CTNND2: variants seen among roughly 807,000 people sequenced by gnomAD.
CTNND2 encodes catenin delta-2.
Under a neutral mutation model 144.4 loss-of-function variants are expected in CTNND2, and 22 were observed. The observed-to-expected ratio is 0.15, with a 90% confidence interval of 0.11 to 0.22. The LOEUF (loss-of-function observed/expected upper bound fraction) is 0.22. Ranked by LOEUF, CTNND2 falls within the 10% of genes least tolerant of loss-of-function variation. CTNND2 has a pLI of 1.00. For synonymous variants in CTNND2, 751 were observed against 695.6 expected, an observed-to-expected ratio of 1.08 and a Z score of -1.25; for missense variants, 1,353 against 1,618.8, an observed-to-expected ratio of 0.84 and a Z score of 2.82.
intron 2 of CTNND2, among the ~76,000 whole-genome samples, chr5:11,681,441 C>G (rs997746047): frequency 6.6e-6 from 1 of 152,162 alleles, no homozygotes; most frequent in Non-Finnish European, 1.5e-5. Context: ...TTCAGGTTCC[C>G]TTTCTCTTTC....
intron 1 of CTNND2, among the ~76,000 whole-genome samples, chr5:11,767,195 A>G (rs1329660097): frequency 6.6e-6 from 1 of 152,256 alleles, no homozygotes; most frequent in Non-Finnish European, 1.5e-5. Context: ...ATATAGATGA[A>G]TAGCATCTCC....
intron 1 of CTNND2, among the ~76,000 whole-genome samples, chr5:11,882,163 T>C (rs1413891660): frequency 6.6e-6 from 1 of 152,100 alleles, no homozygotes; most frequent in Non-Finnish European, 1.5e-5. Flanking sequence ...CCATTCTGTA[T>C]ACTGTCTCTT....
intron 1 of CTNND2, among the ~76,000 whole-genome samples, chr5:11,779,277 T>C (rs919324196): frequency 2.0e-5 from 3 of 152,240 alleles, no homozygotes; most frequent in Non-Finnish European, 4.4e-5. Flanking sequence ...AACAACTATT[T>C]TTGTCTTCTC....
At chr5:11,776,333 A>G (rs1041882901) in intron 1 of CTNND2, among the ~76,000 whole-genome samples, 1 of 152,202 alleles carries the variant, frequency 6.6e-6, no homozygotes, top group African/African-American at 2.4e-5. Flanking sequence ...GAGTTAAAAT[A>G]GCCAACCTCT....
At chr5:11,758,210 T>C (rs1238740128) in intron 1 of CTNND2, among the ~76,000 whole-genome samples, 1 of 152,002 alleles carries the variant, frequency 6.6e-6, no homozygotes, top group East Asian at 1.9e-4. Context: ...CCAATATCTA[T>C]TTAAAATTTG....
At chr5:11,244,527 C>T (rs1285458275) in intron 9 of CTNND2, among the ~76,000 whole-genome samples, 1 of 152,138 alleles carries the variant, frequency 6.6e-6, no homozygotes, top group Admixed American at 6.5e-5. Flanking sequence ...TCAAGTGATC[C>T]ACCCACCTTG....
In CTNND2 at chr5:11,830,949, C is replaced by T. The variant is rs888699306; in HGVS notation, c.37+72868G>A. 1.1e-4 allele frequency among the ~76,000 whole-genome samples: 16 copies of T among 152,190 alleles called. No individual in the cohort carries two copies. The East Asian group carries it at 2.9e-3, about 28-fold the overall frequency. ...AATAAAACAATACCATTTATACCAC[C>T]AAAGCATGAAATATATAGGGTTAAG... On this transcript the variant is annotated intron_variant, in intron 1 of 21. Coordinates refer to ENST00000304623, the MANE Select transcript of CTNND2 (RefSeq NM_001332.4).
intron 10 of CTNND2, among the ~76,000 whole-genome samples, chr5:11,235,455 A>T (rs1185078216): frequency 6.6e-6 from 1 of 152,186 alleles, no homozygotes; most frequent in Non-Finnish European, 1.5e-5. Flanking sequence ...TCACTTTAAC[A>T]GTTGGTATTT....
intron 20 of CTNND2, among the ~76,000 whole-genome samples, chr5:10,987,549 T>TA (rs1385138847): frequency 1.3e-5 from 2 of 152,182 alleles, no homozygotes; most frequent in Non-Finnish European, 2.9e-5. Flanking sequence ...ATATGTCACG[T>TA]AAGAGGTTGT....
chr5:11,779,547 G>C (rs1289313361), intron 1 of CTNND2, among the ~76,000 whole-genome samples: 1 of 152,166 alleles, frequency 6.6e-6, no homozygotes, highest in Non-Finnish European at 1.5e-5. Flanking sequence ...TTATGGCATA[G>C]CCTGTAACAG....
chr5:11,243,266 C>G (rs1208376189), intron 9 of CTNND2, among the ~76,000 whole-genome samples: 1 of 152,320 alleles, frequency 6.6e-6, no homozygotes, highest in East Asian at 1.9e-4. Flanking sequence ...GGTTCGAATC[C>G]TGCTCCACCA....
At chr5:11,515,507 T>G (rs1772088064) in intron 3 of CTNND2, among the ~76,000 whole-genome samples, 1 of 152,206 alleles carries the variant, frequency 6.6e-6, no homozygotes. Context: ...ATGTTATAAT[T>G]AAGGGACAGA....
At chr5:11,735,022 G>T (rs7716895) in intron 1 of CTNND2, among the ~76,000 whole-genome samples, 44,689 of 151,962 alleles carry the variant, frequency 0.29, 9,214 homozygotes, top group African/African-American at 0.59. Context: ...ACTGGAAAAG[G>T]AAATCTGTTA....
chr5:11,344,208 C>T (rs1233699580), intron 9 of CTNND2, among the ~76,000 whole-genome samples: 2 of 151,792 alleles, frequency 1.3e-5, no homozygotes, highest in African/African-American at 4.8e-5. Context: ...ATCGAGACCA[C>T]GGTGAAACCC....
At position 11,858,798 on chromosome 5, in the gene CTNND2, G is replaced by A. The variant is rs184236872; in HGVS notation, c.37+45019C>T. ...CAAAAAATTAGCTGGGCATGGTGGC[G>A]GGTGCCTGTAGCCCCAGCTATTCGG... On this transcript the variant is annotated intron_variant, in intron 1 of 21. Transcript: ENST00000304623. 2.6e-3 allele frequency among the ~76,000 whole-genome samples: 399 copies of A among 152,192 alleles called. 3 individuals are homozygous for A. The highest frequency in any genetic ancestry group is 9.0e-3 in the African/African-American group (372 of 41,520).
rs74534754 is a variant in CTNND2, at chr5:11,323,620, G to T, written c.1628+22752C>A. Among the ~76,000 whole-genome samples the T allele has an allele frequency of 6.7e-3, 1,020 of 152,316 alleles. 9 individuals are homozygous for T. The highest frequency in any genetic ancestry group is 0.024 in the African/African-American group (978 of 41,562). On this transcript the variant is annotated intron_variant, in intron 9 of 21. Coordinates refer to ENST00000304623, the MANE Select transcript of CTNND2 (RefSeq NM_001332.4). ...CAGAACAGATTCAGGGGTCTCTGTT[G>T]ATGGGATATAATGAGTTCTCTTTTA...
intron 3 of CTNND2, among the ~76,000 whole-genome samples, chr5:11,480,214 A>G (rs190593453): frequency 6.6e-6 from 1 of 152,266 alleles, no homozygotes; most frequent in East Asian, 1.9e-4. Context: ...TCCAGATTCA[A>G]TCTTCTGCAT....
At chr5:11,256,241 A>G (rs1425473262) in intron 9 of CTNND2, among the ~76,000 whole-genome samples, 3 of 152,174 alleles carry the variant, frequency 2.0e-5, no homozygotes, top group African/African-American at 7.2e-5. Context: ...AGTTGATAAT[A>G]TGCCTAGGTC....
At chr5:11,623,516 C>T (rs1581623592) in intron 2 of CTNND2, among the ~76,000 whole-genome samples, 1 of 151,896 alleles carries the variant, frequency 6.6e-6, no homozygotes. Flanking sequence ...TCCATTAAAC[C>T]TCTTTTTCTT....
Sources: gnomAD v4.1 joint callset for allele counts (sites outside exome capture counted in the v4.1 genomes callset) on GRCh38, gnomAD v4.1.1 for gene constraint, MANE v1.5 for transcripts, NCBI Gene and HGNC (gene_info 2026-07-23, HGNC 2026-07-21) for gene names.